SGCD: variants seen among roughly 807,000 people sequenced by gnomAD.
SGCD encodes delta-sarcoglycan.
Under a neutral mutation model 36.6 loss-of-function variants are expected in SGCD, and 18 were observed. The observed-to-expected ratio is 0.49, with a 90% CI of 0.34 to 0.73. SGCD has a LOEUF of 0.73. SGCD is among the 30% of genes least tolerant of loss of function. The pLI, the probability that SGCD is intolerant of heterozygous loss-of-function variation, is 0.01. For synonymous variants in SGCD, 133 were observed against 130.6 expected, an observed-to-expected ratio of 1.02 and a Z score of -0.12; for missense variants, 387 against 346.7, an observed-to-expected ratio of 1.12 and a Z score of -0.92.
chr5:156,676,463 G>A (rs946414298), intron 7 of SGCD, among the ~76,000 whole-genome samples: 5 of 152,302 alleles, frequency 3.3e-5, no homozygotes, highest in Admixed American at 6.5e-5. Context: ...CAGACACTGC[G>A]AATGAGTTCT....
Position 155,944,918 on chromosome 5 carries a change from A to T in SGCD, c.-282+74494A>T, listed in dbSNP as rs190044614. Among the ~76,000 whole-genome samples the T allele has an allele frequency of 5.1e-3, 755 of 148,202 alleles. 5 individuals carry two copies. Among genetic ancestry groups the T allele is most frequent in the Non-Finnish European group, 8.2e-3 (553 of 67,506 alleles). On this transcript the variant is annotated intron_variant, in intron 1 of 9. Transcript: ENST00000517913. ...GAAGATGTAAGAGCCATGCAAAAAA[A>T]AATAATAATAATAAGGGAGTGTAAA...
rs56306021 is a variant in SGCD at position 155,944,629 on chromosome 5, A to T, written c.-282+74205A>T. Among the ~76,000 whole-genome samples, 1,373 of 152,280 alleles carry T rather than the reference A, an allele frequency of 9.0e-3. 27 individuals are homozygous for T. Among genetic ancestry groups the T allele is most frequent in the African/African-American group, 0.031 (1,270 of 41,546 alleles). On this transcript the variant is annotated intron_variant, in intron 1 of 9. Transcript: ENST00000517913. ...AGTTTTATTTGTTCAACAAATATGT[A>T]TTGAAGACATACTGTGTTAAGTGCT...
intron 7 of SGCD, among the ~76,000 whole-genome samples, chr5:156,648,700 C>T (rs1324812906): frequency 6.6e-6 from 1 of 152,164 alleles, no homozygotes; most frequent in Non-Finnish European, 1.5e-5. Context: ...ACTAGCATAA[C>T]TATCTTCAGC....
At chr5:155,986,127 T>A (rs1056034823) in intron 1 of SGCD, among the ~76,000 whole-genome samples, 1 of 152,228 alleles carries the variant, frequency 6.6e-6, no homozygotes, top group Non-Finnish European at 1.5e-5. Context: ...CACTCATTCA[T>A]CCATTTCCTG....
intron 3 of SGCD, among the ~76,000 whole-genome samples, chr5:156,480,274 G>A (rs1303476537): frequency 6.6e-6 from 1 of 152,212 alleles, no homozygotes; most frequent in African/African-American, 2.4e-5. Context: ...GCTTTGATTG[G>A]AGTTTTGATT....
At chr5:155,834,635 G>C in the SGCD span, among the ~76,000 whole-genome samples, 99 of 152,248 alleles carry the variant, frequency 6.5e-4, no homozygotes, top group African/African-American at 2.3e-3. Flanking sequence ...ATTATGGCTT[G>C]TGTCATGTAC....
At chr5:156,601,392 A>G (rs1214514554) in intron 6 of SGCD, among the ~76,000 whole-genome samples, 7 of 152,098 alleles carry the variant, frequency 4.6e-5, no homozygotes, top group Admixed American at 2.0e-4. Context: ...TGAAGAGACT[A>G]TTTTTCCCCA....
At chr5:155,952,465 A>G (rs1386320153) in intron 1 of SGCD, among the ~76,000 whole-genome samples, 1 of 151,536 alleles carries the variant, frequency 6.6e-6, no homozygotes, top group Non-Finnish European at 1.5e-5. Context: ...GCTCTTCCTC[A>G]TTTTCTTGGT....
intron 1 of SGCD, among the ~76,000 whole-genome samples, chr5:155,932,042 C>A (rs1459628491): frequency 6.6e-6 from 1 of 152,182 alleles, no homozygotes; most frequent in Non-Finnish European, 1.5e-5. Flanking sequence ...TCTCCACCCT[C>A]ATGATTCAAT....
intron 1 of SGCD, among the ~76,000 whole-genome samples, chr5:155,921,490 A>T (rs1026164234): frequency 1.3e-5 from 2 of 151,946 alleles, no homozygotes; most frequent in Non-Finnish European, 2.9e-5. Context: ...ATAAGTGCTG[A>T]TGGGGGGTAG....
At chr5:155,872,572 T>C (rs1346246536) in intron 1 of SGCD, among the ~76,000 whole-genome samples, 1 of 152,216 alleles carries the variant, frequency 6.6e-6, no homozygotes, top group Non-Finnish European at 1.5e-5. Context: ...AAGGATGCTA[T>C]GCTTTTGTAA....
intron 1 of SGCD, among the ~76,000 whole-genome samples, chr5:156,038,942 T>G (rs1467844103): frequency 4.6e-5 from 7 of 152,182 alleles, no homozygotes; most frequent in Non-Finnish European, 7.3e-5. Context: ...CTGCTCAGTT[T>G]GGCCTCTGAC....
At chr5:156,223,366 C>T (rs892864702) in intron 3 of SGCD, among the ~76,000 whole-genome samples, 1 of 152,024 alleles carries the variant, frequency 6.6e-6, no homozygotes, top group African/African-American at 2.4e-5. Context: ...GATCTTATTA[C>T]GATTGTTAAT....
intron 3 of SGCD, among the ~76,000 whole-genome samples, chr5:156,352,327 A>T (rs1038494649): frequency 6.6e-6 from 1 of 152,228 alleles, no homozygotes; most frequent in African/African-American, 2.4e-5. Context: ...AGATGTTGGA[A>T]CCAAAGTAGA....
chr5:155,811,537 C>T, the SGCD span, among the ~76,000 whole-genome samples: 2 of 152,160 alleles, frequency 1.3e-5, no homozygotes, highest in African/African-American at 4.8e-5. Context: ...AAGCTGGGGA[C>T]AAGCATCCTC....
chr5:156,444,104 CTCTCTCTCT>C lies in SGCD; in HGVS notation c.193-64496_193-64488del, dbSNP rs1291798906. On this transcript the variant is annotated intron_variant, in intron 3 of 8. Transcript: ENST00000337851. The stretch of plus-strand genomic sequence containing the variant: ...TCTCTCTCTCTCTCTCTCTCTCTCT[CTCTCTCTCT>C]CTCCCCTTCCCTCTCTCTCTCTCTC... Among the ~76,000 whole-genome samples the C allele has an allele frequency of 1.8e-3, 197 of 109,944 alleles. 12 individuals carry two copies. The highest frequency in any genetic ancestry group is 8.5e-3 in the Middle Eastern group (2 of 236). 72.1% of individuals were successfully genotyped at this position (109,944 alleles called of 152,430 possible).
At chr5:156,540,182 T>C (rs1758295422) in intron 4 of SGCD, among the ~76,000 whole-genome samples, 1 of 152,168 alleles carries the variant, frequency 6.6e-6, no homozygotes, top group South Asian at 2.1e-4. Context: ...TGATGTTGTA[T>C]TGTCTAATTG....
At chr5:156,684,666 G>A (rs1398817215) in intron 7 of SGCD, among the ~76,000 whole-genome samples, 2 of 152,146 alleles carry the variant, frequency 1.3e-5, no homozygotes, top group African/African-American at 4.8e-5. Flanking sequence ...ATGCTGAGTT[G>A]TTTCTTTCCC....
At chr5:156,350,038 T>A (rs1294202637) in intron 3 of SGCD, among the ~76,000 whole-genome samples, 1 of 151,404 alleles carries the variant, frequency 6.6e-6, no homozygotes, top group East Asian at 1.9e-4. Context: ...GCTAAGGGTA[T>A]GCACAGGCAT....
Sources: gnomAD v4.1 joint callset for allele counts (sites outside exome capture counted in the v4.1 genomes callset) on GRCh38, gnomAD v4.1.1 for gene constraint, MANE v1.5 for transcripts, NCBI Gene and HGNC (gene_info 2026-07-23, HGNC 2026-07-21) for gene names.